MSRA: variants seen among roughly 807,000 people sequenced by gnomAD.
The protein encoded by MSRA is mitochondrial peptide methionine sulfoxide reductase.
A neutral mutation model predicts 31.3 loss-of-function variants in MSRA; 54 were observed. The ratio of observed to expected loss-of-function variants is 1.73; its 90% CI spans 1.39 to 2.17. The LOEUF is 2.17. Among genes scored for constraint, MSRA ranks in the 30% most tolerant of loss-of-function variants. The pLI, the probability that MSRA is intolerant of heterozygous loss-of-function variation, is 0.00. For missense variants in MSRA, 507 were observed against 300.9 expected (o/e 1.69, Z -5.07); for synonymous variants, 169 against 116.5 (o/e 1.45, Z -2.90).
At chr8:10,259,590 C>T (rs1474914891) in intron 3 of MSRA, among the ~76,000 whole-genome samples, 1 of 152,084 alleles carries the variant, frequency 6.6e-6, no homozygotes, top group Non-Finnish European at 1.5e-5. Context: ...CTTCTGAGTA[C>T]TTACTAGGTG....
chr8:10,342,886 A>G (rs1304537463), intron 5 of MSRA, among the ~76,000 whole-genome samples: 5 of 152,222 alleles, frequency 3.3e-5, no homozygotes, highest in Non-Finnish European at 2.9e-5. Context: ...GACTTCGGGC[A>G]AGTGTCTTAA....
At chr8:10,333,239 C>T (rs1802811913) in intron 5 of MSRA, among the ~76,000 whole-genome samples, 2 of 152,122 alleles carry the variant, frequency 1.3e-5, no homozygotes, top group Non-Finnish European at 2.9e-5. Context: ...TTAGTGGCTC[C>T]CATATGTGAT....
intron 5 of MSRA, among the ~76,000 whole-genome samples, chr8:10,322,023 TC>T (rs1802072742): frequency 6.6e-6 from 1 of 152,254 alleles, no homozygotes; most frequent in South Asian, 2.1e-4. Context: ...CTTTCTCTTA[TC>T]CCTTTTTCGT....
At chr8:10,303,278 C>T (rs572060954) in intron 4 of MSRA, among the ~76,000 whole-genome samples, 6 of 152,316 alleles carry the variant, frequency 3.9e-5, no homozygotes, top group Admixed American at 6.5e-5. Context: ...CCAAGTCTGT[C>T]GTCAACTTCT....
At chr8:10,098,035 T>A (rs939291211) in intron 1 of MSRA, among the ~76,000 whole-genome samples, 12 of 151,900 alleles carry the variant, frequency 7.9e-5, no homozygotes, top group South Asian at 2.1e-4. Context: ...AAGCTTTTTT[T>A]AAAAAAAAGT....
intron 5 of MSRA, among the ~76,000 whole-genome samples, chr8:10,415,316 G>A (rs1282373665): frequency 6.6e-6 from 1 of 152,172 alleles, no homozygotes; most frequent in East Asian, 1.9e-4. Context: ...AGGACGACAA[G>A]GAAGTAATGG....
intron 4 of MSRA, among the ~76,000 whole-genome samples, chr8:10,311,714 A>G (rs1270381084): frequency 6.6e-6 from 1 of 152,138 alleles, no homozygotes; most frequent in African/African-American, 2.4e-5. Context: ...GGAGTTCAGG[A>G]CCAGTCTGGG....
chr8:10,412,925 C>G (rs1477169354), intron 5 of MSRA, among the ~76,000 whole-genome samples: 1 of 152,186 alleles, frequency 6.6e-6, no homozygotes, highest in Non-Finnish European at 1.5e-5. Flanking sequence ...TTGGAAATTT[C>G]CCATCATTTA....
At chr8:10,198,541 T>C (rs1808197290) in intron 1 of MSRA, among the ~76,000 whole-genome samples, 1 of 152,216 alleles carries the variant, frequency 6.6e-6, no homozygotes, top group South Asian at 2.1e-4. Flanking sequence ...CTGGAATTCT[T>C]TGTCTCAATT....
chr8:10,101,158 A>C (rs1799504426), intron 1 of MSRA, among the ~76,000 whole-genome samples: 1 of 152,078 alleles, frequency 6.6e-6, no homozygotes, highest in African/African-American at 2.4e-5. Flanking sequence ...ATTTTGACTC[A>C]ATTTTTTGGT....
intron 5 of MSRA, among the ~76,000 whole-genome samples, chr8:10,361,447 C>T (rs1271527849): frequency 1.3e-5 from 2 of 152,060 alleles, no homozygotes; most frequent in African/African-American, 4.8e-5. Context: ...GTGGTTGTGG[C>T]CCTGGGCAAA....
At chr8:10,342,007 A>C (rs1273597852) in intron 5 of MSRA, among the ~76,000 whole-genome samples, 1 of 152,110 alleles carries the variant, frequency 6.6e-6, no homozygotes, top group Non-Finnish European at 1.5e-5. Context: ...GGCTTTGGGG[A>C]AGCTTAACTG....
chr8:10,329,727 C>T (rs765912860), intron 5 of MSRA, among the ~76,000 whole-genome samples: 11 of 151,740 alleles, frequency 7.2e-5, no homozygotes, highest in African/African-American at 1.5e-4. Context: ...GAGAGGTGGG[C>T]GTTGTTCACT....
At chr8:10,369,405 A>C (rs754586595) in intron 5 of MSRA, among the ~76,000 whole-genome samples, 1 of 152,248 alleles carries the variant, frequency 6.6e-6, no homozygotes, top group Non-Finnish European at 1.5e-5. Flanking sequence ...GTACCCAACG[A>C]AATCAAACAC....
At chr8:10,106,779 A>T (rs961400765) in intron 1 of MSRA, among the ~76,000 whole-genome samples, 1 of 152,052 alleles carries the variant, frequency 6.6e-6, no homozygotes, top group Non-Finnish European at 1.5e-5. Context: ...CACCCTTGGG[A>T]ATGTGTCCTT....
intron 1 of MSRA, among the ~76,000 whole-genome samples, chr8:10,151,877 A>C (rs1266161551): frequency 1.3e-5 from 2 of 152,226 alleles, no homozygotes; most frequent in African/African-American, 4.8e-5. Context: ...GGTCATTTAA[A>C]AGGTTACCTG....
chr8:10,092,082 T>TGTA (rs55927858), intron 1 of MSRA, among the ~76,000 whole-genome samples: 80,976 of 151,706 alleles, frequency 0.53, 23,541 homozygotes, highest in Middle Eastern at 0.67. Context: ...TTAAAGGGTC[T>TGTA]GTAGTACTCT....
At chr8:10,337,330 C>G (rs1803115573) in intron 5 of MSRA, among the ~76,000 whole-genome samples, 1 of 152,132 alleles carries the variant, frequency 6.6e-6, no homozygotes, top group African/African-American at 2.4e-5. Flanking sequence ...CAGGCGCCCG[C>G]CACCACGCCT....
chr8:10,241,498 A>G (rs1051213114), intron 2 of MSRA, among the ~76,000 whole-genome samples: 1 of 152,214 alleles, frequency 6.6e-6, no homozygotes, highest in African/African-American at 2.4e-5. Context: ...TCTTGAAGAC[A>G]CTATGTAAAT....
Sources: allele counts gnomAD v4.1 joint callset (sites outside exome capture counted in the v4.1 genomes callset), GRCh38; gene constraint gnomAD v4.1.1; transcripts MANE v1.5; gene names NCBI Gene and HGNC (gene_info 2026-07-23, HGNC 2026-07-21).